The following SHOX variants were observed in gnomAD, a reference collection of about 807,000 sequenced individuals.
The protein encoded by SHOX is short stature homeobox protein.
SHOX carries 12 observed loss-of-function variants against 29.6 expected under a neutral mutation model. That is an observed-to-expected ratio of 0.41 (90% CI 0.26 to 0.66). The LOEUF (loss-of-function observed/expected upper bound fraction) is 0.66. Among genes scored for constraint, SHOX ranks in the 30% least tolerant of loss-of-function variants. The pLI, the probability that SHOX is intolerant of heterozygous loss-of-function variation, is 0.35. For missense variants in SHOX, 499 were observed against 437.7 expected (o/e 1.14, Z -1.25); for synonymous variants, 214 against 200.6 (o/e 1.07, Z -0.57).
Position 634,658 on chromosome X carries a change from G to C in SHOX, c.318G>C (p.Ser106=). The change falls in exon 2 of 5, where the codon TCG becomes TCC. Residue 106 remains serine, a synonymous_variant. Transcript: ENST00000686671. Reference sequence around the variant, plus strand: ...AAGAGAAGCGCGAGGACGTGAAGTCGGAGGACGAGGACGGGCAGACCAAGC... The same window carrying C: ...AAGAGAAGCGCGAGGACGTGAAGTCCGAGGACGAGGACGGGCAGACCAAGC... ...ECKEKREDVK[S]EDEDGQTKLK... The C allele has an allele frequency of 6.2e-7, 1 of 1,613,894 alleles. No individual in the cohort carries two copies. Among genetic ancestry groups the C allele is most frequent in the Non-Finnish European group, 8.5e-7 (1 of 1,179,872 alleles).
At chrX:634,868 C>T (rs1480341348) in intron 2 of SHOX, 42 bp downstream of exon 2, 2 of 1,539,548 alleles carry the variant, frequency 1.3e-6, no homozygotes, top group Non-Finnish European at 1.8e-6. Context: ...GGAGCCATCG[C>T]CTGGTCCTCG....
rs1302976314 is a variant in SHOX at position 649,318 on chromosome X, G to T, written c.*4682G>T. Among the ~76,000 whole-genome samples, 3 of 152,146 alleles carry T rather than the reference G, an allele frequency of 2.0e-5. No homozygotes were observed. The highest frequency in any genetic ancestry group is 4.4e-5 in the Non-Finnish European group (3 of 68,040). On this transcript the variant is annotated 3_prime_UTR_variant, in exon 5 of 5. Transcript: ENST00000686671. The stretch of plus-strand genomic sequence containing the variant: ...CCTCCCAGAGTGCTGGGATTACGGG[G>T]TGAGGCACCGCGCCCGGCCTCCTCT...
chrX:631,971 A>G (rs753487117), intron 1 of SHOX: 3 of 456,092 alleles, frequency 6.6e-6, no homozygotes, highest in Non-Finnish European at 8.8e-6. Context: ...GATCACGGGA[A>G]GACTCGAGGC....
At chrX:657,428 T>C (rs2053162929) in intron 5 of SHOX, among the ~76,000 whole-genome samples, 1 of 152,080 alleles carries the variant, frequency 6.6e-6, no homozygotes, top group African/African-American at 2.4e-5. Flanking sequence ...AAGATATGTA[T>C]TTAAAGGGAG....
chrX:636,968 A>T (rs28549379), intron 2 of SHOX, among the ~76,000 whole-genome samples: 31,608 of 138,860 alleles, frequency 0.23, 3,944 homozygotes, highest in Middle Eastern at 0.3. Context: ...ATATATATAT[A>T]TATTTTGGCT....
downstream of SHOX, among the ~76,000 whole-genome samples, chrX:652,340 A>AT (rs746162755): frequency 0.22 from 29,345 of 135,054 alleles, 3,865 homozygotes; most frequent in East Asian, 0.42. Context: ...AAAATGACAA[A>AT]TTTTTTTTTT....
chrX:650,658 G>T lies in SHOX; in HGVS notation c.*6022G>T, dbSNP rs1034573549. On this transcript the variant is annotated 3_prime_UTR_variant, in exon 5 of 5. Coordinates refer to ENST00000686671, the MANE Select transcript of SHOX (RefSeq NM_000451.4). ...CCTTTAGCTCCACAGTTTTCCCGGGGACATAGCGAGGATGGCACACGGCAG... is the reference window on the plus strand; with the variant it reads ...CCTTTAGCTCCACAGTTTTCCCGGGTACATAGCGAGGATGGCACACGGCAG... Among the ~76,000 whole-genome samples, 1 of 151,402 alleles carries T rather than the reference G, an allele frequency of 6.6e-6. No individual in the cohort carries two copies. The highest frequency in any genetic ancestry group is 2.4e-5 in the African/African-American group (1 of 41,196).
chrX:650,113 G>A lies in SHOX; in HGVS notation c.*5477G>A. 1 of 434,532 alleles carries A rather than the reference G, an allele frequency of 2.3e-6. No homozygotes were observed. Among genetic ancestry groups the A allele is most frequent in the Non-Finnish European group, 4.6e-6 (1 of 217,746 alleles). 26.9% of individuals were successfully genotyped at this position (434,532 alleles called of 1,614,324 possible). ...TTGGGGTGTTGTTTCACAGGCAGTG[G>A]TGACAGGGCCCCTTGGCTGTGGCTG... On this transcript the variant is annotated 3_prime_UTR_variant, in exon 5 of 5. Transcript: ENST00000686671.
At chrX:634,538 C>T in intron 1 of SHOX, 80 bp from the exon 2 acceptor site, 14 of 1,493,544 alleles carry the variant, frequency 9.4e-6, no homozygotes, top group Non-Finnish European at 1.3e-5. Context: ...CCCCTTTCCA[C>T]CGCGGGATGC....
rs374178366 is a variant in SHOX at position 641,092 on chromosome X, C to G, written c.633+5C>G. The stretch of plus-strand genomic sequence containing the variant: ...TTACGGATGCCTTTCCAACAGGTAG[C>G]TCACTTTTTCTTCCTCTGAAGATCC... On this transcript the variant is annotated splice_donor_5th_base_variant and intron_variant, in intron 4 of 4. Coordinates refer to ENST00000686671, the MANE Select transcript of SHOX (RefSeq NM_000451.4). 107 of 1,613,550 alleles carry G rather than the reference C, an allele frequency of 6.6e-5. No individual in the cohort carries two copies. The African/African-American group carries it at 1.1e-3, about 17-fold the overall frequency.
In SHOX at chrX:644,107, A is replaced by C. The variant is rs189590380; in HGVS notation, c.634-284A>C. Among the ~76,000 whole-genome samples, 118 of 152,086 alleles carry C rather than the reference A, an allele frequency of 7.8e-4. 1 individual carries two copies. The East Asian group carries it at 0.021, about 28-fold the overall frequency. On this transcript the variant is annotated intron_variant, in intron 4 of 4. Transcript: ENST00000686671. Reference sequence around the variant, plus strand: ...ATCCCTGCGAAGAGAGCGCATCGGGAGCTCCCCCTGAGGGCGTTCCATTTG... The same window carrying C: ...ATCCCTGCGAAGAGAGCGCATCGGGCGCTCCCCCTGAGGGCGTTCCATTTG...
chrX:655,557 ACTCTCTCTCTGTCTCTCTCTCT>A (rs1174692435), downstream of SHOX, among the ~76,000 whole-genome samples: 1 of 107,994 alleles, frequency 9.3e-6, no homozygotes, highest in Non-Finnish European at 1.9e-5. Context: ...AGCAAAAAGG[ACTCTCTCTCTGTCTCTCTCTCT>A]CTCTCTCTCT....
downstream of SHOX, among the ~76,000 whole-genome samples, chrX:652,033 C>T (rs2053073896): frequency 6.6e-6 from 1 of 152,084 alleles, no homozygotes; most frequent in African/African-American, 2.4e-5. Flanking sequence ...AGCGACTCTC[C>T]TGCCTCAGCC....
Position 644,299 on chromosome X carries a change from A to G in SHOX, c.634-92A>G. 2.1e-6 allele frequency: 3 copies of G among 1,406,774 alleles called. No homozygotes were observed. In the South Asian group the frequency reaches 4.4e-5, roughly 21 times the overall value. 87.1% of individuals were successfully genotyped at this position (1,406,774 alleles called of 1,614,324 possible). On this transcript the variant is annotated intron_variant, in intron 4 of 4. Transcript: ENST00000686671. ...AAGGGGCGACGCTCCCTAGGGGAGA[A>G]GAGGCACGTTGGAGGTTTCCGGGGG...
At position 651,175 on chromosome X, in the gene SHOX, T is replaced by C. The variant is rs769172062; in HGVS notation, c.*6539T>C. On this transcript the variant is annotated 3_prime_UTR_variant, in exon 5 of 5. Coordinates refer to ENST00000686671, the MANE Select transcript of SHOX (RefSeq NM_000451.4). ...AATTATGTCGAGTGTAAATTTGACATCGCGTTGCATTTATTTTTATATTTC... is the reference window on the plus strand; with the variant it reads ...AATTATGTCGAGTGTAAATTTGACACCGCGTTGCATTTATTTTTATATTTC... The C allele has an allele frequency of 7.1e-4, 290 of 409,992 alleles. 2 individuals are homozygous for C. The highest frequency in any genetic ancestry group is 5.0e-3 in the South Asian group (283 of 56,428). 25.4% of individuals were successfully genotyped at this position (409,992 alleles called of 1,614,324 possible). A position where few individuals can be genotyped will look rare whatever the true frequency, so the allele number is the denominator to read the frequency against.
At position 649,327 on chromosome X, in the gene SHOX, C is replaced by T. The variant is rs749569153; in HGVS notation, c.*4691C>T. 1.5e-3 allele frequency among the ~76,000 whole-genome samples: 225 copies of T among 152,252 alleles called. 3 individuals are homozygous for T. Among genetic ancestry groups the T allele is most frequent in the Non-Finnish European group, 7.5e-4 (51 of 68,030 alleles). ...GTGCTGGGATTACGGGGTGAGGCAC[C>T]GCGCCCGGCCTCCTCTCTCTTTTTC... On this transcript the variant is annotated 3_prime_UTR_variant, in exon 5 of 5. Transcript: ENST00000686671.
At chrX:630,687 G>A (rs2052630797), upstream of SHOX, 3 of 630,824 alleles carry the variant, frequency 4.8e-6, no homozygotes, top group African/African-American at 1.8e-5. Flanking sequence ...CTCTGCGTGC[G>A]TCCGCCGCGG....
intron 2 of SHOX, among the ~76,000 whole-genome samples, chrX:635,655 G>C (rs1319191815): frequency 1.3e-5 from 2 of 152,188 alleles, no homozygotes; most frequent in African/African-American, 2.4e-5. Flanking sequence ...GAGGGGCCTT[G>C]GGTGTGCGCA....
chrX:658,911 C>CCTG (rs2053187450), exon 6 of SHOX: 1 of 278,096 alleles, frequency 3.6e-6, no homozygotes, highest in African/African-American at 2.3e-5. Flanking sequence ...ATTACAGGTG[C>CCTG]CCACCACCAT....
Sources: allele counts gnomAD v4.1 joint callset (sites outside exome capture counted in the v4.1 genomes callset), GRCh38; gene constraint gnomAD v4.1.1; transcripts MANE v1.5; gene names NCBI Gene and HGNC (gene_info 2026-07-23, HGNC 2026-07-21).